CHRNB4: variants seen among roughly 807,000 people sequenced by gnomAD.
CHRNB4 encodes cholinergic receptor nicotinic beta 4 subunit.
In CHRNB4, 23 loss-of-function variants were observed where a neutral mutation model predicts 40.4. The ratio of observed to expected loss-of-function variants is 0.57; its 90% CI spans 0.41 to 0.81. The LOEUF is 0.81. Ranked by LOEUF, CHRNB4 falls within the 30% of genes least tolerant of loss-of-function variation. The probability of loss-of-function intolerance (pLI) is 0.00; values close to 1 mark genes in which losing one functional copy is unlikely to be tolerated. For synonymous variants in CHRNB4, 285 were observed against 274.4 expected, an observed-to-expected ratio of 1.04 and a Z score of -0.38; for missense variants, 568 against 670.6, an observed-to-expected ratio of 0.85 and a Z score of 1.69.
rs779257686 is a variant in CHRNB4, at chr15:78,629,061, C to T, written c.1244G>A (p.Arg415Gln). ...PVAIPRDFWL[R>Q]SSGRFRQDVQ... ...ATCCTGTCGGAACCTCCCAGAGGAC[C>T]GCAGCCAGAAATCCCTGGGGATAGC... The change falls in exon 5 of 6, where the codon CGG (arginine) becomes CAG (glutamine). Residue 415 changes from arginine to glutamine, a missense_variant. By Grantham distance (43) the Arg-to-Gln change is conservative. Around this residue, in one of 4 missense-constraint regions of CHRNB4, gnomAD observed 242 missense variants for 274.9 expected, o/e 0.88. Transcript: ENST00000261751. This position sits in a 1 kb window ranked among gnomAD's most constrained non-coding sequence, Gnocchi z 6.8. 32 of 1,614,160 alleles carry T rather than the reference C, an allele frequency of 2.0e-5. No homozygotes were observed. The highest frequency in any genetic ancestry group is 5.5e-5 in the South Asian group (5 of 91,070).
At chr15:78,641,532 T>C (rs190872166), upstream of CHRNB4, among the ~76,000 whole-genome samples, 3 of 152,292 alleles carry the variant, frequency 2.0e-5, no homozygotes, top group East Asian at 5.8e-4. Context: ...GGGAGGTCCT[T>C]GGGCTTTGCC....
Position 78,634,552 on chromosome 15 carries a change from G to T in CHRNB4, c.204+887C>A, listed in dbSNP as rs182762094. On this transcript the variant is annotated intron_variant, in intron 2 of 5. Coordinates refer to ENST00000261751, the MANE Select transcript of CHRNB4 (RefSeq NM_000750.5). ...GCCAAAGCCTTCCTGAGGGCTGTAGGTTTGACAGGCTGGGTGTGTGTGGGC... is the reference window on the plus strand; with the variant it reads ...GCCAAAGCCTTCCTGAGGGCTGTAGTTTTGACAGGCTGGGTGTGTGTGGGC... 7.2e-5 allele frequency: 25 copies of T among 348,052 alleles called. No individual in the cohort carries two copies. In the Middle Eastern group the frequency reaches 1.6e-3, roughly 23 times the overall value. 21.6% of individuals were successfully genotyped at this position (348,052 alleles called of 1,614,324 possible).
chr15:78,629,721 A>C lies in CHRNB4; in HGVS notation c.584T>G (p.Phe195Cys). 1.9e-6 allele frequency: 3 copies of C among 1,614,074 alleles called. No individual in the cohort carries two copies. The highest frequency in any genetic ancestry group is 2.5e-6 in the Non-Finnish European group (3 of 1,180,008). ...LMTPTASMDD[F>C]TPSGEWDIVA... ...TATGTCCCACTCACCACTGGGAGTA[A>C]AGTCATCCATGCTGGCTGTGGGCGT... Residue 195 changes from phenylalanine (F) to cysteine (C), a missense_variant, in exon 5 of 6, where the codon TTT becomes TGT. Physicochemically the swap from Phe to Cys is radical, Grantham distance 205. This residue lies in a region of CHRNB4 where 127 missense variants were observed against 167.4 expected (regional missense o/e 0.76). Transcript: ENST00000261751. The surrounding 1 kb of genome is among the most constrained non-coding windows in gnomAD (Gnocchi z 6.8).
chr15:78,635,394 G>T, intron 2 of CHRNB4, 45 bp downstream of exon 2: 1 of 1,600,424 alleles, frequency 6.2e-7, no homozygotes, highest in South Asian at 1.1e-5. Flanking sequence ...GGGCATGAGC[G>T]GCCTCTCCAC....
intron 2 of CHRNB4, among the ~76,000 whole-genome samples, chr15:78,632,300 CGT>C (rs368583386): frequency 3.5e-5 from 5 of 142,558 alleles, no homozygotes; most frequent in African/African-American, 5.3e-5. Context: ...TCTTTTCTTT[CGT>C]GTGTGTGTGT....
chr15:78,628,930 T>C, intron 5 of CHRNB4, 37 bp downstream of exon 5: 3 of 1,579,090 alleles, frequency 1.9e-6, no homozygotes, highest in South Asian at 1.2e-5. Context: ...GAGCCCTTTC[T>C]GTTGGGCAGG....
chr15:78,652,321 T>C (rs1270575107), intron 6 of CHRNB4, among the ~76,000 whole-genome samples: 1 of 152,086 alleles, frequency 6.6e-6, no homozygotes, highest in African/African-American at 2.4e-5. Context: ...GGCTGCTTTA[T>C]AGATCAGAGT....
At chr15:78,625,950 C>T (rs2053642288) in intron 5 of CHRNB4, 1 of 152,450 alleles carries the variant, frequency 6.6e-6, no homozygotes, top group Non-Finnish European at 1.5e-5. Context: ...CTCCTTTGCA[C>T]TGGGGGAGAA....
chr15:78,647,318 G>A (rs920761509), intron 7 of CHRNB4, among the ~76,000 whole-genome samples: 14 of 151,300 alleles, frequency 9.3e-5, no homozygotes, highest in Non-Finnish European at 1.8e-4. Flanking sequence ...AATATTTAAG[G>A]AATTATATAT....
chr15:78,660,923 G>C, upstream of CHRNB4: 2 of 382,274 alleles, frequency 5.2e-6, no homozygotes, highest in South Asian at 4.4e-5. Context: ...AATTGCCTGG[G>C]GATTTGATTG....
In CHRNB4 at chr15:78,649,548, A is replaced by C. The variant is rs1358806217; in HGVS notation, c.-15-109T>G. On this transcript the variant is annotated intron_variant and NMD_transcript_variant, in intron 6 of 11. Coordinates refer to the CHRNB4 transcript ENST00000559849. Reference sequence around the variant, plus strand: ...GACCATATGTTGCCTGCAAAGCCTAAAATATCTGCTATATGGCTTTTTACA... The same window carrying C: ...GACCATATGTTGCCTGCAAAGCCTACAATATCTGCTATATGGCTTTTTACA... 57 of 328,362 alleles carry C rather than the reference A, an allele frequency of 1.7e-4. 2 individuals carry two copies. The Admixed American group carries it at 2.4e-3, about 14-fold the overall frequency. The allele number at this position is 328,362 out of a possible 1,614,324, so 20.3% of individuals were successfully genotyped here.
At chr15:78,637,851 G>C (rs1163091443) in intron 1 of CHRNB4, among the ~76,000 whole-genome samples, 1 of 152,148 alleles carries the variant, frequency 6.6e-6, no homozygotes. Flanking sequence ...CTCTCCAGAG[G>C]GGGGTCCTAT....
intron 7 of CHRNB4, among the ~76,000 whole-genome samples, chr15:78,648,408 A>G (rs2054144075): frequency 6.8e-6 from 1 of 147,896 alleles, no homozygotes; most frequent in Admixed American, 6.7e-5. Context: ...AAAAAAAAAA[A>G]GGAAAAAGAA....
chr15:78,656,346 A>C (rs967685066), exon 4 of CHRNB4: 1 of 151,700 alleles, frequency 6.6e-6, no homozygotes, highest in African/African-American at 2.4e-5. Flanking sequence ...CAAAAAAAAA[A>C]AAAAAAAAGG....
At chr15:78,649,759 G>A (rs965369629) in intron 6 of CHRNB4, among the ~76,000 whole-genome samples, 5 of 151,976 alleles carry the variant, frequency 3.3e-5, no homozygotes, top group African/African-American at 1.2e-4. Flanking sequence ...AAAATTGCAC[G>A]AGTGATAAAC....
exon 4 of CHRNB4, chr15:78,656,557 A>G (rs1333668034): frequency 6.6e-6 from 1 of 152,154 alleles, no homozygotes; most frequent in African/African-American, 2.4e-5. Context: ...AAGCAAAAAA[A>G]AAAATTTGCT....
At position 78,629,452 on chromosome 15, in the gene CHRNB4, C is replaced by T. The variant is rs773351388; in HGVS notation, c.853G>A (p.Val285Met). ...GGCACATCGAGGGAGGTGGGTGGCA[C>T]GATCTTGGAGATGAGCAGCAGGAAG... ...TFFLLLISKI[V>M]PPTSLDVPLI... Residue 285 changes from valine to methionine, a missense_variant, in exon 5 of 6, where the codon GTG becomes ATG. Transcript: ENST00000261751. This position sits in a 1 kb window ranked among gnomAD's most constrained non-coding sequence, Gnocchi z 6.8. 45 of 1,613,932 alleles carry T rather than the reference C, an allele frequency of 2.8e-5. 1 individual carries two copies. Among genetic ancestry groups the T allele is most frequent in the South Asian group, 1.8e-4 (16 of 91,090 alleles).
At chr15:78,641,228 C>T (rs1213702952), upstream of CHRNB4, 2 of 1,196,926 alleles carry the variant, frequency 1.7e-6, no homozygotes, top group Admixed American at 3.9e-5. Flanking sequence ...GGTCCTGGCC[C>T]CCGAGGTTTG....
intron 5 of CHRNB4, 105 bp from the exon 6 acceptor site, chr15:78,625,396 C>T (rs550419616): frequency 2.9e-5 from 31 of 1,086,840 alleles, no homozygotes; most frequent in Non-Finnish European, 3.5e-5. Context: ...AGGCCACAGG[C>T]GTGGAACTGC....
Sources: gnomAD v4.1 joint callset for allele counts (sites outside exome capture counted in the v4.1 genomes callset) on GRCh38, gnomAD v4.1.1 for gene constraint, gnomAD v4.1.1 regional missense constraint, Gnocchi (gnomAD v3.1) non-coding constraint, MANE v1.5 for transcripts, NCBI Gene and HGNC (gene_info 2026-07-23, HGNC 2026-07-21) for gene names.